The following PTPRK variants were observed in gnomAD, a reference collection of about 807,000 sequenced individuals.
PTPRK encodes protein tyrosine phosphatase receptor type K, also known as receptor-type tyrosine-protein phosphatase kappa.
Under a neutral mutation model 178.0 loss-of-function variants are expected in PTPRK, and 75 were observed. The ratio of observed to expected loss-of-function variants is 0.42; its 90% CI spans 0.35 to 0.51. PTPRK has a LOEUF of 0.51. Ranked by LOEUF, PTPRK falls within the 20% of genes least tolerant of loss-of-function variation. The pLI is 0.02. For missense variants in PTPRK, 1,441 were observed against 1,797.8 expected (o/e 0.80, Z 3.59); for synonymous variants, 637 against 620.6 (o/e 1.03, Z -0.39).
At chr6:128,218,848 CA>C in intron 6 of PTPRK, 73 bp downstream of exon 6, 1 of 1,290,146 alleles carries the variant, frequency 7.8e-7, no homozygotes, top group Non-Finnish European at 1.1e-6. Context: ...AAAAATCAAT[CA>C]AAATATCTAC....
chr6:128,429,675 G>A (rs925450481), intron 1 of PTPRK, among the ~76,000 whole-genome samples: 2 of 152,060 alleles, frequency 1.3e-5, no homozygotes, highest in Admixed American at 1.3e-4. Flanking sequence ...AGACATGAGA[G>A]CAGAGAAATG....
chr6:128,435,102 AAGGAAGGCAGGAAGGCAGGC>A lies in PTPRK; in HGVS notation c.101-37434_101-37415del, dbSNP rs879360163. 2.6e-3 allele frequency among the ~76,000 whole-genome samples: 186 copies of A among 70,278 alleles called. 3 individuals carry two copies. The highest frequency in any genetic ancestry group is 0.011 in the African/African-American group (160 of 14,154). The allele number at this position is 70,278 out of a possible 152,430, so 46.1% of individuals were successfully genotyped here. Reference sequence around the variant, plus strand: ...GAAGGAAGGAAGGAAGGAAGGAAGGAAGGAAGGCAGGAAGGCAGGCAGGAAGGCAGGCAGGCAGGCAGGCA... The same window carrying A: ...GAAGGAAGGAAGGAAGGAAGGAAGGAAGGAAGGCAGGCAGGCAGGCAGGCA... On this transcript the variant is annotated intron_variant, in intron 1 of 29. Coordinates refer to ENST00000368226, the MANE Select transcript of PTPRK (RefSeq NM_002844.4).
intron 13 of PTPRK, among the ~76,000 whole-genome samples, chr6:128,021,655 A>T (rs992565351): frequency 8.6e-5 from 13 of 151,750 alleles, no homozygotes; most frequent in African/African-American, 3.2e-4. Context: ...AAAAGAAAGA[A>T]AGTTTCATCT....
chr6:128,288,326 T>G (rs570111068), intron 3 of PTPRK, among the ~76,000 whole-genome samples: 1 of 152,332 alleles, frequency 6.6e-6, no homozygotes, highest in South Asian at 2.1e-4. Flanking sequence ...CACAGATTTT[T>G]TTGAAGTCTA....
intron 1 of PTPRK, among the ~76,000 whole-genome samples, chr6:128,494,882 G>A (rs1029029744): frequency 2.0e-5 from 3 of 152,136 alleles, no homozygotes; most frequent in Non-Finnish European, 4.4e-5. Flanking sequence ...AGTAAGAGCT[G>A]AATTGCTATT....
chr6:128,489,184 A>G (rs2128428119), intron 1 of PTPRK, among the ~76,000 whole-genome samples: 1 of 152,346 alleles, frequency 6.6e-6, no homozygotes, highest in Admixed American at 6.5e-5. Flanking sequence ...CCATAAGTTG[A>G]GGAGTGCACC....
chr6:128,062,670 CA>C (rs1781057925), intron 13 of PTPRK: 1 of 164,762 alleles, frequency 6.1e-6, no homozygotes, highest in African/African-American at 2.4e-5. Flanking sequence ...ACTATTTAAG[CA>C]CTTCATATAT....
chr6:128,520,050 C>A (rs1858787430), intron 1 of PTPRK, among the ~76,000 whole-genome samples: 1 of 152,176 alleles, frequency 6.6e-6, no homozygotes, highest in African/African-American at 2.4e-5. Flanking sequence ...CAGCCTGAGC[C>A]CCGAGCAAGC....
chr6:128,471,521 G>A (rs1211230242), intron 1 of PTPRK, among the ~76,000 whole-genome samples: 1 of 134,530 alleles, frequency 7.4e-6, no homozygotes, highest in East Asian at 2.3e-4. Context: ...TTACAGAGGA[G>A]AAAAGAGAAG....
chr6:128,195,738 T>C (rs1468319091), intron 6 of PTPRK, among the ~76,000 whole-genome samples: 3 of 152,138 alleles, frequency 2.0e-5, no homozygotes, highest in Non-Finnish European at 4.4e-5. Flanking sequence ...GTCATAGTTA[T>C]AAGCCTCTCT....
At chr6:128,208,881 T>C (rs767207671) in intron 6 of PTPRK, among the ~76,000 whole-genome samples, 1 of 152,148 alleles carries the variant, frequency 6.6e-6, no homozygotes, top group Non-Finnish European at 1.5e-5. Context: ...AAGTTTACAA[T>C]TAAACTTAAC....
At chr6:128,309,588 T>C (rs1826934859) in intron 3 of PTPRK, among the ~76,000 whole-genome samples, 1 of 152,174 alleles carries the variant, frequency 6.6e-6, no homozygotes, top group Non-Finnish European at 1.5e-5. Context: ...CGTCAAAGTC[T>C]GTTACCTCAG....
At chr6:128,079,057 C>T (rs1456956483) in intron 10 of PTPRK, 139 bp from the exon 11 acceptor site, 3 of 477,496 alleles carry the variant, frequency 6.3e-6, no homozygotes, top group Non-Finnish European at 1.1e-5. Flanking sequence ...TATAGCATAA[C>T]ATCTCCAAAT....
intron 13 of PTPRK, among the ~76,000 whole-genome samples, chr6:128,049,963 G>T (rs1260513964): frequency 6.6e-6 from 1 of 152,012 alleles, no homozygotes; most frequent in Non-Finnish European, 1.5e-5. Flanking sequence ...CCGGAGAAAC[G>T]CCATCTCTAC....
intron 7 of PTPRK, among the ~76,000 whole-genome samples, chr6:128,159,970 T>C (rs537484296): frequency 2.8e-4 from 42 of 151,834 alleles, no homozygotes; most frequent in African/African-American, 1.0e-3. Flanking sequence ...GAGGTTTCTT[T>C]AGTAGCACAA....
intron 13 of PTPRK, among the ~76,000 whole-genome samples, chr6:128,060,437 G>A (rs1780618014): frequency 2.0e-5 from 3 of 151,976 alleles, no homozygotes; most frequent in African/African-American, 4.8e-5. Flanking sequence ...CCTGTATCCC[G>A]AATTTAAGAC....
chr6:128,242,943 T>C (rs554573441), intron 3 of PTPRK, among the ~76,000 whole-genome samples: 60 of 152,316 alleles, frequency 3.9e-4, no homozygotes, highest in African/African-American at 1.3e-3. Context: ...ATTTTTGTTG[T>C]TTACTTAACA....
intron 7 of PTPRK, among the ~76,000 whole-genome samples, chr6:128,090,658 A>T (rs1209152756): frequency 6.6e-6 from 1 of 152,180 alleles, no homozygotes; most frequent in East Asian, 1.9e-4. Context: ...CTGGGAGGTG[A>T]ATTTTCCATT....
chr6:128,360,639 A>C (rs1834608653), intron 2 of PTPRK, among the ~76,000 whole-genome samples: 1 of 152,120 alleles, frequency 6.6e-6, no homozygotes, highest in Admixed American at 6.6e-5. Flanking sequence ...TCCTAGACTA[A>C]TTCTGCAAAA....
Sources: allele counts gnomAD v4.1 joint callset (sites outside exome capture counted in the v4.1 genomes callset), GRCh38; gene constraint gnomAD v4.1.1; transcripts MANE v1.5; gene names NCBI Gene and HGNC (gene_info 2026-07-23, HGNC 2026-07-21).